Variants in EPHB2 observed in about 807,000 individuals in gnomAD.
EPHB2 encodes EPH receptor B2, also known as ephrin type-B receptor 2.
In EPHB2, 18 loss-of-function variants were observed where a neutral mutation model predicts 96.4. The ratio of observed to expected loss-of-function variants is 0.19; its 90% CI spans 0.13 to 0.28. The LOEUF (loss-of-function observed/expected upper bound fraction) is 0.28, where lower values mean the gene tolerates loss of function less well. EPHB2 is among the 10% of genes least tolerant of loss of function. The pLI, the probability that EPHB2 is intolerant of heterozygous loss-of-function variation, is 1.00. For synonymous variants in EPHB2, 506 were observed against 534.1 expected (o/e 0.95, Z 0.72); for missense variants, 989 against 1,355.4 (o/e 0.73, Z 4.25).
At chr1:22,880,894 G>C (rs1056934152) in intron 5 of EPHB2, among the ~76,000 whole-genome samples, 3 of 152,242 alleles carry the variant, frequency 2.0e-5, no homozygotes, top group Non-Finnish European at 1.5e-5. Flanking sequence ...AGAACAGGCT[G>C]TGTGCCATGG....
At chr1:22,771,425 G>A (rs1261801188) in intron 1 of EPHB2, among the ~76,000 whole-genome samples, 1 of 152,212 alleles carries the variant, frequency 6.6e-6, no homozygotes, top group Non-Finnish European at 1.5e-5. Flanking sequence ...AGCACCTCGA[G>A]TGCCAACTGT....
chr1:22,882,640 G>A, intron 6 of EPHB2, 157 bp downstream of exon 6: 1 of 1,157,504 alleles, frequency 8.6e-7, no homozygotes, highest in Non-Finnish European at 1.2e-6. Flanking sequence ...TCCCAATCCA[G>A]CTCCGCTCCT....
chr1:22,882,154 A>T (rs1398332906), intron 5 of EPHB2, among the ~76,000 whole-genome samples: 1 of 152,062 alleles, frequency 6.6e-6, no homozygotes, highest in Non-Finnish European at 1.5e-5. Context: ...AAGGTGCCCC[A>T]TGAGAGCTCA....
intron 9 of EPHB2, among the ~76,000 whole-genome samples, chr1:22,899,239 C>T (rs1425110649): frequency 3.4e-5 from 5 of 148,558 alleles, no homozygotes; most frequent in Non-Finnish European, 7.4e-5. Flanking sequence ...CAGTGGCTCA[C>T]CCCTATAATC....
intron 5 of EPHB2, among the ~76,000 whole-genome samples, chr1:22,865,790 A>G (rs1430106012): frequency 6.6e-6 from 1 of 152,116 alleles, no homozygotes; most frequent in African/African-American, 2.4e-5. Flanking sequence ...CAGAGATGTC[A>G]TCTCTTGCAG....
At chr1:22,851,236 G>A (rs539556060) in intron 3 of EPHB2, among the ~76,000 whole-genome samples, 40 of 152,170 alleles carry the variant, frequency 2.6e-4, no homozygotes, top group Non-Finnish European at 1.6e-4. Context: ...CAGCTCAAGC[G>A]ATCCTCCCGC....
intron 7 of EPHB2, 46 bp from the exon 8 acceptor site, chr1:22,895,426 A>G (rs760333814): frequency 1.3e-6 from 2 of 1,587,202 alleles, no homozygotes; most frequent in African/African-American, 1.3e-5. Flanking sequence ...GGGTATTACG[A>G]CTCCCACAGC....
At chr1:22,901,820 A>AGTGTGAGTGTGTGTGTGTGT (rs1553176896) in intron 9 of EPHB2, among the ~76,000 whole-genome samples, 12 of 148,574 alleles carry the variant, frequency 8.1e-5, no homozygotes, top group African/African-American at 3.0e-4. Flanking sequence ...TGTGTGTGTG[A>AGTGTGAGTGTGTGTGTGTGT]GTGTGTGTGT....
intron 3 of EPHB2, among the ~76,000 whole-genome samples, chr1:22,795,753 A>T (rs1357124255): frequency 6.6e-6 from 1 of 152,140 alleles, no homozygotes; most frequent in African/African-American, 2.4e-5. Context: ...CGTCCCATAT[A>T]CTTTGTCAGG....
At chr1:22,796,772 A>T (rs893918887) in intron 3 of EPHB2, among the ~76,000 whole-genome samples, 5 of 152,190 alleles carry the variant, frequency 3.3e-5, no homozygotes, top group African/African-American at 1.2e-4. Flanking sequence ...GCTCTTATCA[A>T]TTGGGTGCTC....
intron 3 of EPHB2, among the ~76,000 whole-genome samples, chr1:22,843,339 GTGTTTTT>G (rs1645495751): frequency 4.6e-5 from 7 of 152,048 alleles, no homozygotes; most frequent in Admixed American, 4.6e-4. Flanking sequence ...TCTTGCCACT[GTGTTTTT>G]TTTCTCCTAA....
At chr1:22,747,381 G>A (rs898563901) in intron 1 of EPHB2, among the ~76,000 whole-genome samples, 2 of 152,250 alleles carry the variant, frequency 1.3e-5, no homozygotes, top group African/African-American at 4.8e-5. Flanking sequence ...CCCAGGTGGT[G>A]AAGTGGCTTG....
intron 3 of EPHB2, among the ~76,000 whole-genome samples, chr1:22,832,894 T>C (rs1352939829): frequency 1.3e-5 from 1 of 75,586 alleles, no homozygotes; most frequent in Non-Finnish European, 2.6e-5. Flanking sequence ...CATGTATAAG[T>C]AACAGTCATG....
At chr1:22,772,505 G>A (rs1032123704) in intron 1 of EPHB2, among the ~76,000 whole-genome samples, 15 of 152,224 alleles carry the variant, frequency 9.9e-5, no homozygotes, top group Admixed American at 3.9e-4. Context: ...GAAAAACAAC[G>A]TGCTGCTAGT....
intron 1 of EPHB2, among the ~76,000 whole-genome samples, chr1:22,765,383 CCAAAAATA>C (rs1033080012): frequency 5.3e-5 from 8 of 151,892 alleles, no homozygotes; most frequent in Non-Finnish European, 2.9e-5. Flanking sequence ...CCCATCTGTA[CCAAAAATA>C]CAAAAATTAG....
chr1:22,884,784 G>A (rs1042422822), intron 6 of EPHB2, among the ~76,000 whole-genome samples: 8 of 152,224 alleles, frequency 5.3e-5, no homozygotes, highest in African/African-American at 1.9e-4. Context: ...CACCTCCTCA[G>A]AGAAGCCCTC....
intron 6 of EPHB2, chr1:22,891,204 A>C (rs994958677): frequency 2.4e-5 from 11 of 455,954 alleles, no homozygotes; most frequent in African/African-American, 2.2e-4. Flanking sequence ...ATTTGAACCC[A>C]AGAAGTCTGG....
intron 9 of EPHB2, 80 bp downstream of exon 9, chr1:22,896,558 C>T: frequency 6.4e-7 from 1 of 1,561,898 alleles, no homozygotes; most frequent in Non-Finnish European, 8.8e-7. Context: ...CCATCTTTGA[C>T]CTCCTTCTGC....
intron 3 of EPHB2, among the ~76,000 whole-genome samples, chr1:22,806,911 A>G (rs1644935585): frequency 1.4e-5 from 2 of 141,640 alleles, no homozygotes; most frequent in African/African-American, 2.6e-5. Context: ...CCCCAGCCCT[A>G]CTTCCCCAGA....
Sources: allele counts gnomAD v4.1 joint callset (sites outside exome capture counted in the v4.1 genomes callset), GRCh38; gene constraint gnomAD v4.1.1; transcripts MANE v1.5; gene names NCBI Gene and HGNC (gene_info 2026-07-23, HGNC 2026-07-21).